Variants in MEIS2 observed in about 807,000 individuals in gnomAD.
The protein encoded by MEIS2 is Meis homeobox 2, also known as homeobox protein Meis2.
Under a neutral mutation model 58.6 loss-of-function variants are expected in MEIS2, and 9 were observed. The ratio of observed to expected loss-of-function variants is 0.15; its 90% CI spans 0.09 to 0.27. MEIS2 has a LOEUF of 0.27. MEIS2 is among the 10% of genes least tolerant of loss of function. The probability of loss-of-function intolerance (pLI) is 1.00; values close to 1 mark genes in which losing one functional copy is unlikely to be tolerated. For missense variants in MEIS2, 427 were observed against 635.0 expected (o/e 0.67, Z 3.52); for synonymous variants, 221 against 228.4 (o/e 0.97, Z 0.29).
chr15:36,926,764 T>G (rs952429918), intron 9 of MEIS2, among the ~76,000 whole-genome samples: 5 of 152,200 alleles, frequency 3.3e-5, no homozygotes, highest in Non-Finnish European at 7.3e-5. Context: ...TTTACATCCT[T>G]TCTCTCTTTC....
chr15:36,896,201 T>C (rs73389577), intron 10 of MEIS2, among the ~76,000 whole-genome samples: 3,046 of 152,280 alleles, frequency 0.02, 38 homozygotes, highest in East Asian at 0.083. Flanking sequence ...AATAGGATAT[T>C]ATGAATAGCC....
At chr15:37,023,114 T>G (rs966289132) in intron 8 of MEIS2, among the ~76,000 whole-genome samples, 2 of 152,212 alleles carry the variant, frequency 1.3e-5, no homozygotes, top group Non-Finnish European at 2.9e-5. Flanking sequence ...AATTTTCAAA[T>G]GTATGTAATT....
chr15:36,981,418 T>A (rs1475201375), intron 8 of MEIS2, among the ~76,000 whole-genome samples: 6 of 152,172 alleles, frequency 3.9e-5, no homozygotes, highest in African/African-American at 1.4e-4. Flanking sequence ...TTATTTTTTA[T>A]TTTTTTCCTT....
intron 8 of MEIS2, among the ~76,000 whole-genome samples, chr15:36,999,608 A>C (rs1469707200): frequency 1.3e-5 from 2 of 152,160 alleles, no homozygotes; most frequent in African/African-American, 4.8e-5. Context: ...CCAAGTTTTC[A>C]TGTTTCCAGC....
chr15:36,984,344 G>C (rs1595868646), intron 8 of MEIS2, among the ~76,000 whole-genome samples: 1 of 151,928 alleles, frequency 6.6e-6, no homozygotes, highest in East Asian at 1.9e-4. Context: ...TATCTACTGA[G>C]ATGATCATAT....
intron 7 of MEIS2, among the ~76,000 whole-genome samples, chr15:37,040,202 A>C (rs765165710): frequency 6.6e-6 from 1 of 152,178 alleles, no homozygotes; most frequent in Non-Finnish European, 1.5e-5. Flanking sequence ...AAATGAGGTA[A>C]GGAGATAGCA....
chr15:37,027,302 T>C (rs940928103), intron 8 of MEIS2, among the ~76,000 whole-genome samples: 2 of 152,180 alleles, frequency 1.3e-5, no homozygotes, highest in Non-Finnish European at 2.9e-5. Context: ...TCGAAATTAG[T>C]CTTGAATGTT....
chr15:37,061,323 C>G (rs1889186774), intron 7 of MEIS2, among the ~76,000 whole-genome samples: 1 of 152,098 alleles, frequency 6.6e-6, no homozygotes, highest in South Asian at 2.1e-4. Flanking sequence ...ATACCAGGTG[C>G]CCTAAGAGAA....
At chr15:37,036,749 A>G in intron 8 of MEIS2, 65 bp downstream of exon 8, 6 of 1,550,886 alleles carry the variant, frequency 3.9e-6, no homozygotes, top group Non-Finnish European at 5.2e-6. Flanking sequence ...AATCAGTATG[A>G]GACCGTATAA....
At chr15:36,908,768 C>A (rs985709342) in intron 9 of MEIS2, among the ~76,000 whole-genome samples, 1 of 151,580 alleles carries the variant, frequency 6.6e-6, no homozygotes, top group South Asian at 2.1e-4. Flanking sequence ...AACCCCGTCT[C>A]TACTAAAAAT....
intron 7 of MEIS2, among the ~76,000 whole-genome samples, chr15:37,063,321 G>A (rs1889489664): frequency 6.6e-6 from 1 of 152,150 alleles, no homozygotes; most frequent in Admixed American, 6.6e-5. Context: ...GTGCACTACT[G>A]TGCAGGACTG....
chr15:37,093,956 C>T (rs1177272461), intron 5 of MEIS2: 4 of 518,544 alleles, frequency 7.7e-6, no homozygotes, highest in East Asian at 3.1e-5. Context: ...CTCTGAGCAA[C>T]AAGTTACAAT....
At chr15:37,077,906 G>T (rs1435051983) in intron 7 of MEIS2, among the ~76,000 whole-genome samples, 1 of 152,148 alleles carries the variant, frequency 6.6e-6, no homozygotes, top group Admixed American at 6.6e-5. Context: ...CATCTAACAC[G>T]CCACCAGAGC....
intron 8 of MEIS2, among the ~76,000 whole-genome samples, chr15:36,969,647 T>C (rs1415033721): frequency 6.6e-6 from 1 of 152,188 alleles, no homozygotes; most frequent in Admixed American, 6.5e-5. Context: ...ACTTCTAATT[T>C]CAAATACTAA....
At chr15:37,010,203 T>A (rs1045974074) in intron 8 of MEIS2, among the ~76,000 whole-genome samples, 1 of 152,024 alleles carries the variant, frequency 6.6e-6, no homozygotes, top group Non-Finnish European at 1.5e-5. Context: ...TTCTCCTGCC[T>A]CAGCCTCCCG....
intron 8 of MEIS2, among the ~76,000 whole-genome samples, chr15:36,977,886 C>G (rs2059810748): frequency 6.6e-6 from 1 of 152,186 alleles, no homozygotes; most frequent in Admixed American, 6.5e-5. Flanking sequence ...CCCAGGCAAA[C>G]AACCTGAATT....
chr15:37,062,428 T>A (rs1761551876), intron 7 of MEIS2, among the ~76,000 whole-genome samples: 1 of 152,180 alleles, frequency 6.6e-6, no homozygotes, highest in Admixed American at 6.5e-5. Flanking sequence ...AAAGTTTTAG[T>A]TGCAAAAACA....
rs566266009 is a variant in MEIS2 at position 36,930,126 on chromosome 15, C to A, written c.977+20198G>T. Among the ~76,000 whole-genome samples, 5 of 149,812 alleles carry A rather than the reference C, an allele frequency of 3.3e-5. No homozygotes were observed. The East Asian group carries it at 9.9e-4, about 30-fold the overall frequency. Reference sequence around the variant, plus strand: ...GTTGAGGCAGGAGAATTGTTTGAACCCAGGAGACAGAGGTTACAGTGAGGT... The same window carrying A: ...GTTGAGGCAGGAGAATTGTTTGAACACAGGAGACAGAGGTTACAGTGAGGT... On this transcript the variant is annotated intron_variant, in intron 9 of 11. Transcript: ENST00000561208.
chr15:37,098,807 AGCACGAGAAC>A (rs1461016251), intron 1 of MEIS2: 2 of 615,880 alleles, frequency 3.2e-6, no homozygotes, highest in Admixed American at 1.3e-4. Context: ...GCTAATAATC[AGCACGAGAAC>A]GCCGAGGACT....
Sources: gnomAD v4.1 joint callset for allele counts (sites outside exome capture counted in the v4.1 genomes callset) on GRCh38, gnomAD v4.1.1 for gene constraint, MANE v1.5 for transcripts, NCBI Gene and HGNC (gene_info 2026-07-23, HGNC 2026-07-21) for gene names.